The following CCDC85C variants were observed in gnomAD, a reference collection of about 807,000 sequenced individuals.
CCDC85C encodes coiled-coil domain-containing protein 85C.
In CCDC85C, 18 loss-of-function variants were observed where a neutral mutation model predicts 38.3. The observed-to-expected ratio is 0.47, with a 90% confidence interval of 0.33 to 0.70. The LOEUF (loss-of-function observed/expected upper bound fraction) is 0.70. CCDC85C is among the 30% of genes least tolerant of loss of function. The pLI, the probability that CCDC85C is intolerant of heterozygous loss-of-function variation, is 0.03. For missense variants in CCDC85C, 566 were observed against 621.2 expected, an observed-to-expected ratio of 0.91 and a Z score of 0.94; for synonymous variants, 264 against 293.8, an observed-to-expected ratio of 0.90 and a Z score of 1.04.
In CCDC85C at chr14:99,516,202, G is replaced by C; in HGVS notation, c.1156C>G (p.Arg386Gly). The change falls in exon 5 of 6, where the codon CGC (arginine) becomes GGC (glycine). Residue 386 changes from arginine to glycine, a missense_variant. Physicochemically the swap from Arg to Gly is moderately radical, Grantham distance 125 (BLOSUM62 -2). Around this residue, in one of 3 missense-constraint regions of CCDC85C, gnomAD observed 286 missense variants for 276.4 expected, o/e 1.03. Transcript: ENST00000380243. The surrounding 1 kb of genome is among the most constrained non-coding windows in gnomAD (Gnocchi z 5.5). ...GGAAGCCTCACGTTGCACATCTCGCGAACGATGGCCTTCTCCTTCTCACTC... is the reference window on the plus strand; with the variant it reads ...GGAAGCCTCACGTTGCACATCTCGCCAACGATGGCCTTCTCCTTCTCACTC... The part of the protein sequence containing the change: ...DLSEKEKAIV[R>G]EMCNVVWRKL... 6.4e-7 allele frequency: 1 copy of C among 1,551,176 alleles called. No individual in the cohort carries two copies. The highest frequency in any genetic ancestry group is 8.7e-7 in the Non-Finnish European group (1 of 1,146,866).
rs372162207 is a variant in CCDC85C, at chr14:99,540,162, GA to G, written c.794-4075del. On this transcript the variant is annotated intron_variant, in intron 1 of 5. Transcript: ENST00000380243. The stretch of plus-strand genomic sequence containing the variant: ...ACTGTCTTTAAAAAAAAAGGGGGGG[GA>G]ACGGATTAAACTCTTGCACCTTCAC... Among the ~76,000 whole-genome samples the G allele has an allele frequency of 8.9e-3, 1,330 of 148,626 alleles. 15 individuals carry two copies. Among genetic ancestry groups the G allele is most frequent in the African/African-American group, 0.03 (1,244 of 40,806 alleles).
chr14:99,593,979 T>C (rs1241549970), intron 1 of CCDC85C, among the ~76,000 whole-genome samples: 1 of 136,696 alleles, frequency 7.3e-6, no homozygotes, highest in Admixed American at 7.6e-5. Context: ...GAAGGTGGGG[T>C]TGTGTAAATC....
intron 1 of CCDC85C, among the ~76,000 whole-genome samples, chr14:99,582,739 A>C (rs1162366543): frequency 6.6e-6 from 1 of 152,098 alleles, no homozygotes; most frequent in African/African-American, 2.4e-5. Context: ...ACTTGAAACC[A>C]GGGGGCGGAG....
intron 3 of CCDC85C, among the ~76,000 whole-genome samples, chr14:99,519,555 A>G (rs1212607564): frequency 6.6e-6 from 1 of 152,182 alleles, no homozygotes; most frequent in Non-Finnish European, 1.5e-5. Context: ...TGAGGATACC[A>G]GTGTGCACCA....
intron 1 of CCDC85C, among the ~76,000 whole-genome samples, chr14:99,602,209 G>A (rs1440944242): frequency 1.3e-5 from 2 of 152,224 alleles, no homozygotes; most frequent in African/African-American, 4.8e-5. Context: ...GAGAAAGCTG[G>A]CAGGGAGCAG....
intron 1 of CCDC85C, chr14:99,580,019 ACC>A (rs1251872573): frequency 2.2e-6 from 1 of 454,468 alleles, no homozygotes; most frequent in East Asian, 7.0e-5. Context: ...TACCCCACAT[ACC>A]CCGGAGTGAG....
rs61422871 is a variant in CCDC85C at position 99,520,443 on chromosome 14, G to A, written c.975+1690C>T. The stretch of plus-strand genomic sequence containing the variant: ...CTGCCCGCCGACCAGCCCCGATCAC[G>A]GCCCCTGCACCTCAGTTCATCCCAT... On this transcript the variant is annotated intron_variant, in intron 3 of 5. Coordinates refer to ENST00000380243, the MANE Select transcript of CCDC85C (RefSeq NM_001144995.2). This position sits in a 1 kb window ranked among gnomAD's most constrained non-coding sequence, Gnocchi z 4.1. 0.051 allele frequency among the ~76,000 whole-genome samples: 1,022 copies of A among 20,234 alleles called. 56 individuals carry two copies. The highest frequency in any genetic ancestry group is 0.15 in the East Asian group (31 of 206). 13.3% of individuals were successfully genotyped at this position (20,234 alleles called of 152,430 possible). A position where few individuals can be genotyped will look rare whatever the true frequency, so the allele number is the denominator to read the frequency against.
intron 1 of CCDC85C, among the ~76,000 whole-genome samples, chr14:99,560,201 G>T (rs558032090): frequency 4.6e-5 from 7 of 152,108 alleles, no homozygotes; most frequent in Non-Finnish European, 1.0e-4. Flanking sequence ...AGCAAGGAAG[G>T]GGGTCTGCCC....
At chr14:99,523,795 C>T (rs1459370873) in intron 2 of CCDC85C, among the ~76,000 whole-genome samples, 1 of 152,134 alleles carries the variant, frequency 6.6e-6, no homozygotes. Context: ...AGCACGGGGG[C>T]CTTGGGCACA....
In CCDC85C at chr14:99,522,251, GAGA is replaced by G. The variant is rs766437446; in HGVS notation, c.868-14_868-12del. On this transcript the variant is annotated splice_polypyrimidine_tract_variant and intron_variant, in intron 2 of 5. Transcript: ENST00000380243. ...TCCGGAGCCTGCCTGCTGCAGGGGAGAGAAGGAGAGGGGTTAGACGGAGGGCCA... is the reference window on the plus strand; with the variant it reads ...TCCGGAGCCTGCCTGCTGCAGGGGAGAGGAGAGGGGTTAGACGGAGGGCCA... 11 of 1,540,050 alleles carry G rather than the reference GAGA, an allele frequency of 7.1e-6. No individual in the cohort carries two copies. Among genetic ancestry groups the G allele is most frequent in the East Asian group, 2.4e-5 (1 of 40,830 alleles).
intron 1 of CCDC85C, among the ~76,000 whole-genome samples, chr14:99,539,565 G>T (rs571904903): frequency 6.6e-6 from 1 of 152,162 alleles, no homozygotes; most frequent in East Asian, 1.9e-4. Context: ...ACAGCTGAGG[G>T]TTCTACCCTG....
In CCDC85C at chr14:99,505,142, A is replaced by G. The variant is rs1896942812; in HGVS notation, c.*10104T>C. On this transcript the variant is annotated 3_prime_UTR_variant, in exon 6 of 6. Transcript: ENST00000380243. ...AAGCCATTGGAGATTTAGCAGGGGAATGGCAGAGTCTAAATTCATTTGAGA... is the reference window on the plus strand; with the variant it reads ...AAGCCATTGGAGATTTAGCAGGGGAGTGGCAGAGTCTAAATTCATTTGAGA... The G allele has an allele frequency of 6.6e-6, 1 of 152,358 alleles. No individual in the cohort carries two copies. Among genetic ancestry groups the G allele is most frequent in the Non-Finnish European group, 1.5e-5 (1 of 68,140 alleles). The allele number at this position is 152,358 out of a possible 1,614,324, so 9.4% of individuals were successfully genotyped here.
Position 99,588,765 on chromosome 14 carries a change from C to CA in CCDC85C, c.793+14401dup, listed in dbSNP as rs2055053417. 6.6e-6 allele frequency among the ~76,000 whole-genome samples: 1 copy of CA among 151,862 alleles called. No homozygotes were observed. The highest frequency in any genetic ancestry group is 2.4e-5 in the African/African-American group (1 of 41,312). On this transcript the variant is annotated intron_variant, in intron 1 of 5. Transcript: ENST00000380243. The surrounding 1 kb of genome is among the most constrained non-coding windows in gnomAD (Gnocchi z 5.0). ...CAAAGCCCCAAGCAGCAGGAATACCCAAAAAAGCCCCCAAAAGTACTGGTT... is the reference window on the plus strand; with the variant it reads ...CAAAGCCCCAAGCAGCAGGAATACCCAAAAAAAGCCCCCAAAAGTACTGGTT...
intron 3 of CCDC85C, among the ~76,000 whole-genome samples, chr14:99,519,302 A>G (rs1897272650): frequency 1.5e-5 from 2 of 135,068 alleles, no homozygotes; most frequent in Admixed American, 7.3e-5. Flanking sequence ...TTTTTGGTAG[A>G]GATGGGGTTT....
intron 1 of CCDC85C, among the ~76,000 whole-genome samples, chr14:99,599,396 G>A (rs1393367160): frequency 6.6e-6 from 1 of 152,176 alleles, no homozygotes; most frequent in Non-Finnish European, 1.5e-5. Flanking sequence ...GGGGCATGGT[G>A]CCTGTCGTGG....
chr14:99,515,958 G>A lies in CCDC85C; in HGVS notation c.1170+230C>T, dbSNP rs1232407270. The stretch of plus-strand genomic sequence containing the variant: ...CCCAGGCACGGCACTCCTGGGGAGG[G>A]CGGATCTGCAGACACCAGGGGCCCT... On this transcript the variant is annotated intron_variant, in intron 5 of 5. Transcript: ENST00000380243. 2.0e-5 allele frequency among the ~76,000 whole-genome samples: 3 copies of A among 152,142 alleles called. No individual in the cohort carries two copies. In the East Asian group the frequency reaches 5.8e-4, roughly 29 times the overall value.
intron 3 of CCDC85C, among the ~76,000 whole-genome samples, chr14:99,517,741 GAGGGGA>G (rs1157907721): frequency 5.3e-5 from 8 of 152,196 alleles, no homozygotes; most frequent in Non-Finnish European, 1.0e-4. Context: ...AGGCCTTGGG[GAGGGGA>G]CCCAGCCTCT....
Position 99,511,205 on chromosome 14 carries a change from A to T in CCDC85C, c.*4041T>A, listed in dbSNP as rs1369590163. On this transcript the variant is annotated 3_prime_UTR_variant, in exon 6 of 6. Transcript: ENST00000380243. ...CTGAAGCCAAGCTGTTGTCATTTTC[A>T]TTCGGTGACATTCTCTCCCATGACA... is the stretch of plus-strand genomic sequence containing the variant. 6.5e-6 allele frequency: 1 copy of T among 153,836 alleles called. No homozygotes were observed. Among genetic ancestry groups the T allele is most frequent in the Admixed American group, 6.5e-5 (1 of 15,324 alleles). The allele number at this position is 153,836 out of a possible 1,614,324, so 9.5% of individuals were successfully genotyped here. A position where few individuals can be genotyped will look rare whatever the true frequency, so the allele number is the denominator to read the frequency against.
At position 99,522,175 on chromosome 14, in the gene CCDC85C, C is replaced by G. The variant is rs1221314633; in HGVS notation, c.933G>C (p.Gln311His). 1 of 1,551,122 alleles carries G rather than the reference C, an allele frequency of 6.4e-7. No homozygotes were observed. Among genetic ancestry groups the G allele is most frequent in the African/African-American group, 1.4e-5 (1 of 73,194 alleles). ...GGTAGGAGGGCGGCAGGGACGCAAG[C>G]TGGGACTCCGAGTGGTAGGGCGAGA... Reference protein sequence around the residue: ...KGFSPYHSESQLASLPPSYQD... With the variant: ...KGFSPYHSESHLASLPPSYQD... The change falls in exon 3 of 6, where the codon CAG (glutamine) becomes CAC (histidine). Residue 311 changes from glutamine to histidine, a missense_variant. By Grantham distance (24) the Gln-to-His change is conservative (BLOSUM62 0). Around this residue, in one of 3 missense-constraint regions of CCDC85C, gnomAD observed 286 missense variants for 276.4 expected, o/e 1.03. Transcript: ENST00000380243.
Sources: allele counts gnomAD v4.1 joint callset (sites outside exome capture counted in the v4.1 genomes callset), GRCh38; gene constraint gnomAD v4.1.1; regional missense constraint gnomAD v4.1.1; non-coding constraint Gnocchi (gnomAD v3.1); transcripts MANE v1.5; gene names NCBI Gene and HGNC (gene_info 2026-07-23, HGNC 2026-07-21).